Variants in ID4 observed in about 807,000 individuals in gnomAD.
The protein encoded by ID4 is inhibitor of DNA binding 4.
In ID4, 9 loss-of-function variants were observed where a neutral mutation model predicts 8.6. That is an observed-to-expected ratio of 1.04 (90% CI 0.63 to 1.82). ID4 has a LOEUF of 1.82. Ranked by LOEUF, ID4 falls within the 40% of genes most tolerant of loss-of-function variation. The pLI is 0.00. For synonymous variants in ID4, 180 were observed against 118.0 expected (o/e 1.53, Z -3.41); for missense variants, 270 against 235.1 (o/e 1.15, Z -0.97).
Position 19,840,998 on chromosome 6 carries a change from C to T in ID4, c.*1803C>T, listed in dbSNP as rs1256953340. Among the ~76,000 whole-genome samples the T allele has an allele frequency of 6.6e-6, 1 of 152,126 alleles. No homozygotes were observed. The highest frequency in any genetic ancestry group is 2.4e-5 in the African/African-American group (1 of 41,436). ...AAAGTATTATAGACCCAAGGGACTTCTTATGAGGTCAAATTCAGATATTTA... is the reference window on the plus strand; with the variant it reads ...AAAGTATTATAGACCCAAGGGACTTTTTATGAGGTCAAATTCAGATATTTA... On this transcript the variant is annotated 3_prime_UTR_variant, in exon 3 of 3. Coordinates refer to ENST00000378700, the MANE Select transcript of ID4 (RefSeq NM_001546.4).
chr6:19,838,850 G>C, intron 2 of ID4: 1 of 571,764 alleles, frequency 1.7e-6, no homozygotes. Context: ...CGGTGGAGAC[G>C]GGTCAGCCCT....
rs986995434 is a variant in ID4 at position 19,839,673 on chromosome 6, C to G, written c.*478C>G. 1 of 152,350 alleles carries G rather than the reference C, an allele frequency of 6.6e-6. No individual in the cohort carries two copies. Among genetic ancestry groups the G allele is most frequent in the African/African-American group, 2.4e-5 (1 of 41,326 alleles). 9.4% of individuals were successfully genotyped at this position (152,350 alleles called of 1,614,324 possible). On this transcript the variant is annotated 3_prime_UTR_variant, in exon 3 of 3. Transcript: ENST00000378700. ...TGATTATAACGGGGCAGAGAACTTT[C>G]TTTTCTCTGCAAGAATGTTACATAT...
chr6:19,838,672 C>A, intron 2 of ID4, 30 bp downstream of exon 2: 3 of 1,602,434 alleles, frequency 1.9e-6, no homozygotes, highest in South Asian at 1.1e-5. Context: ...CTCGGGTGGC[C>A]GGTCACCAGA....
At chr6:19,839,010 G>C (rs1473214686) in intron 2 of ID4, 200 bp from the exon 3 acceptor site, 1 of 231,438 alleles carries the variant, frequency 4.3e-6, no homozygotes, top group Non-Finnish European at 8.4e-6. Flanking sequence ...CGGGCAGGGC[G>C]CCGGAGTGGG....
chr6:19,838,323 TGCTCCTCCGG>T (rs1018139768), intron 1 of ID4, 128 bp downstream of exon 1: 24 of 1,036,286 alleles, frequency 2.3e-5, no homozygotes, highest in East Asian at 1.7e-4. Flanking sequence ...CCCCTCCCCC[TGCTCCTCCGG>T]GCTCCCCCGG....
rs1761321280 is a variant in ID4 at position 19,839,821 on chromosome 6, T to G, written c.*626T>G. The G allele has an allele frequency of 6.6e-6, 1 of 151,826 alleles. No homozygotes were observed. The allele number at this position is 151,826 out of a possible 1,614,324, so 9.4% of individuals were successfully genotyped here. A position where few individuals can be genotyped will look rare whatever the true frequency, so the allele number is the denominator to read the frequency against. On this transcript the variant is annotated 3_prime_UTR_variant, in exon 3 of 3. Coordinates refer to ENST00000378700, the MANE Select transcript of ID4 (RefSeq NM_001546.4). ...ATATTTTTAATTAAATATTTTTTTGTAAATATTATGTGTGTGTTTTTTTTT... is the reference window on the plus strand; with the variant it reads ...ATATTTTTAATTAAATATTTTTTTGGAAATATTATGTGTGTGTTTTTTTTT...
At position 19,839,993 on chromosome 6, in the gene ID4, T is replaced by C. The variant is rs1176750629; in HGVS notation, c.*798T>C. 6.6e-6 allele frequency: 1 copy of C among 152,542 alleles called. No individual in the cohort carries two copies. Among genetic ancestry groups the C allele is most frequent in the Non-Finnish European group, 1.5e-5 (1 of 68,032 alleles). The allele number at this position is 152,542 out of a possible 1,614,324, so 9.4% of individuals were successfully genotyped here. ...ACTCGGAAGTAACAGTTATAGCTAG[T>C]GGTCTTGCATGATTGCATGAGATGT... On this transcript the variant is annotated 3_prime_UTR_variant, in exon 3 of 3. Transcript: ENST00000378700.
intron 1 of ID4, 87 bp from the exon 2 acceptor site, chr6:19,838,497 C>T (rs919138964): frequency 4.8e-5 from 76 of 1,570,558 alleles, no homozygotes; most frequent in Non-Finnish European, 5.9e-5. Context: ...GGCGCGCCAG[C>T]CTGATTTCCG....
intron 1 of ID4, 147 bp downstream of exon 1, chr6:19,838,342 G>A (rs1761274318): frequency 9.8e-7 from 1 of 1,024,754 alleles, no homozygotes; most frequent in Non-Finnish European, 1.3e-6. Context: ...GGGCTCCCCC[G>A]GGCCGCCAGC....
chr6:19,838,335 C>A, intron 1 of ID4, 140 bp downstream of exon 1: 1 of 1,019,486 alleles, frequency 9.8e-7, no homozygotes, highest in Non-Finnish European at 1.3e-6. Flanking sequence ...CTCCTCCGGG[C>A]TCCCCCGGGC....
Position 19,840,043 on chromosome 6 carries a change from G to C in ID4, c.*848G>C, listed in dbSNP as rs537198326. On this transcript the variant is annotated 3_prime_UTR_variant, in exon 3 of 3. Transcript: ENST00000378700. ...TTTAATCACAAATTAAACTTGTTCT[G>C]AGTCCATTCAAATGTGTTTTTTTAA... 4 of 152,424 alleles carry C rather than the reference G, an allele frequency of 2.6e-5. No homozygotes were observed. Among genetic ancestry groups the C allele is most frequent in the Non-Finnish European group, 5.9e-5 (4 of 67,970 alleles). The allele number at this position is 152,424 out of a possible 1,614,324, so 9.4% of individuals were successfully genotyped here.
At chr6:19,838,440 C>A in intron 1 of ID4, 144 bp from the exon 2 acceptor site, 2 of 1,189,270 alleles carry the variant, frequency 1.7e-6, no homozygotes, top group South Asian at 1.3e-5. Context: ...CAAGTCCCGC[C>A]TGAGCCCGGA....
intron 1 of ID4, 138 bp from the exon 2 acceptor site, chr6:19,838,446 C>T (rs1162061621): frequency 2.4e-6 from 3 of 1,236,374 alleles, no homozygotes; most frequent in East Asian, 2.6e-5. Flanking sequence ...CCGCCTGAGC[C>T]CGGAGGGGCC....
At chr6:19,838,447 C>G (rs970897870) in intron 1 of ID4, 137 bp from the exon 2 acceptor site, 1 of 1,244,760 alleles carries the variant, frequency 8.0e-7, no homozygotes, top group Non-Finnish European at 1.1e-6. Flanking sequence ...CGCCTGAGCC[C>G]GGAGGGGCCC....
In ID4 at chr6:19,837,779, C is replaced by T. The variant is rs1470032447; in HGVS notation, c.25C>T (p.Pro9Ser). Residue 9 changes from proline (P) to serine (S), a missense_variant, in exon 1 of 3, where the codon CCC becomes TCC. By Grantham distance (74) the Pro-to-Ser change is moderately conservative. Transcript: ENST00000378700. ...GATGAAGGCGGTGAGCCCGGTGCGC[C>T]CCTCGGGCCGCAAGGCGCCGTCGGG... is the stretch of plus-strand genomic sequence containing the variant. The part of the protein sequence containing the change: MKAVSPVR[P>S]SGRKAPSGCG... 1.3e-4 allele frequency: 151 copies of T among 1,127,670 alleles called. No homozygotes were observed. In the East Asian group the frequency reaches 6.4e-3, roughly 48 times the overall value. The allele number at this position is 1,127,670 out of a possible 1,614,324, so 69.9% of individuals were successfully genotyped here.
In ID4 at chr6:19,840,937, A is replaced by G. The variant is rs1281323220; in HGVS notation, c.*1742A>G. Among the ~76,000 whole-genome samples, 3 of 152,208 alleles carry G rather than the reference A, an allele frequency of 2.0e-5. No homozygotes were observed. In the East Asian group the frequency reaches 5.8e-4, roughly 29 times the overall value. On this transcript the variant is annotated 3_prime_UTR_variant, in exon 3 of 3. Transcript: ENST00000378700. ...GTATAACGTGGTCTGTTTGATTTTT[A>G]AAAGGAAAGGATTTGTTTCAGATTA...
chr6:19,839,020 G>A (rs1046683092), intron 2 of ID4, 190 bp from the exon 3 acceptor site: 5 of 217,828 alleles, frequency 2.3e-5, no homozygotes. Context: ...GCCGGAGTGG[G>A]TCCCCTCTCC....
rs1290725194 is a variant in ID4 at position 19,839,753 on chromosome 6, AGT to A, written c.*562_*563del. ...CATGTATATATAGAGATGTTCTATA[AGT>A]GTGAGAAAGTATATGCTTTAATAGA... On this transcript the variant is annotated 3_prime_UTR_variant, in exon 3 of 3. Transcript: ENST00000378700. 7.2e-5 allele frequency: 11 copies of A among 152,668 alleles called. No homozygotes were observed. The highest frequency in any genetic ancestry group is 2.2e-4 in the African/African-American group (9 of 41,542). 9.5% of individuals were successfully genotyped at this position (152,668 alleles called of 1,614,324 possible).
chr6:19,841,516 T>C lies in ID4; in HGVS notation c.*2321T>C, dbSNP rs1259019094. Among the ~76,000 whole-genome samples, 4 of 152,208 alleles carry C rather than the reference T, an allele frequency of 2.6e-5. No individual in the cohort carries two copies. The highest frequency in any genetic ancestry group is 5.9e-5 in the Non-Finnish European group (4 of 68,020). The stretch of plus-strand genomic sequence containing the variant: ...CAGTTTAAAACTTATACTGGTGGAC[T>C]GTGAACCTCAAAACAAATGGGTATT... On this transcript the variant is annotated 3_prime_UTR_variant, in exon 3 of 3. Coordinates refer to ENST00000378700, the MANE Select transcript of ID4 (RefSeq NM_001546.4).
Sources: gnomAD v4.1 joint callset for allele counts (sites outside exome capture counted in the v4.1 genomes callset) on GRCh38, gnomAD v4.1.1 for gene constraint, MANE v1.5 for transcripts, NCBI Gene and HGNC (gene_info 2026-07-23, HGNC 2026-07-21) for gene names.